The following CRLF2 variants were observed in gnomAD, a reference collection of about 807,000 sequenced individuals.
CRLF2 encodes cytokine receptor-like factor 2.
CRLF2 carries 41 observed loss-of-function variants against 38.7 expected under a neutral mutation model. The observed-to-expected ratio is 1.06, with a 90% CI of 0.83 to 1.37. CRLF2 has a LOEUF of 1.37. Among genes scored for constraint, CRLF2 ranks in the 40% most tolerant of loss-of-function variants. The pLI, the probability that CRLF2 is intolerant of heterozygous loss-of-function variation, is 0.00. For synonymous variants in CRLF2, 140 were observed against 128.8 expected (o/e 1.09, Z -0.59); for missense variants, 377 against 322.2 (o/e 1.17, Z -1.30).
intron 4 of CRLF2, among the ~76,000 whole-genome samples, chrX:1,200,074 G>GTA (rs2086574181): frequency 1.3e-5 from 2 of 149,090 alleles, no homozygotes; most frequent in Admixed American, 1.4e-4. Context: ...GTGTATATAT[G>GTA]TGTATATGTA....
At chrX:1,201,005 C>T (rs2086595885) in intron 4 of CRLF2, among the ~76,000 whole-genome samples, 3 of 152,126 alleles carry the variant, frequency 2.0e-5, no homozygotes, top group African/African-American at 7.2e-5. Context: ...GCTGGTCTAG[C>T]CTGCTGCACA....
chrX:1,202,583 T>C, intron 3 of CRLF2, 48 bp from the exon 4 acceptor site: 1 of 1,612,392 alleles, frequency 6.2e-7, no homozygotes, highest in Non-Finnish European at 8.5e-7. Context: ...TCTGAGCTGA[T>C]TGTGACAGGC....
At chrX:1,204,238 A>G (rs1244261123) in intron 3 of CRLF2, among the ~76,000 whole-genome samples, 1 of 148,446 alleles carries the variant, frequency 6.7e-6, no homozygotes, top group Admixed American at 6.9e-5. Flanking sequence ...TAATGAATTT[A>G]TTTATTTGAG....
rs747962265 is a variant in CRLF2 at position 1,212,626 on chromosome X, C to T, written c.9G>A (p.Arg3=). 2.5e-6 allele frequency: 4 copies of T among 1,611,362 alleles called. No individual in the cohort carries two copies. Among genetic ancestry groups the T allele is most frequent in the Non-Finnish European group, 3.4e-6 (4 of 1,178,136 alleles). Residue 3 remains arginine, a synonymous_variant, in exon 1 of 8, where the codon CGG becomes CGA. Transcript: ENST00000400841. MG[R]LVLLWGAAVF... is the part of the protein sequence containing the mutation. Reference sequence around the variant, plus strand: ...CGGCAGCTCCCCACAGCAGAACCAGCCGCCCCATGCCTGAAACAGGAGTGG... The same window carrying T: ...CGGCAGCTCCCCACAGCAGAACCAGTCGCCCCATGCCTGAAACAGGAGTGG...
chrX:1,208,857 A>G lies in CRLF2; in HGVS notation c.131T>C (p.Val44Ala), dbSNP rs773823760. The change falls in exon 2 of 8, where the codon GTG (valine) becomes GCG (alanine). Residue 44 changes from valine (V) to alanine (A), a missense_variant. By Grantham distance (64) the Val-to-Ala change is moderately conservative. Coordinates refer to ENST00000400841, the MANE Select transcript of CRLF2 (RefSeq NM_022148.4). Reference sequence around the variant, plus strand: ...GGAGTATTTGCTGGCATTCCATGTCACCTGCACGGTTTCTAAATTGAAGTA... The same window carrying G: ...GGAGTATTTGCTGGCATTCCATGTCGCCTGCACGGTTTCTAAATTGAAGTA... ...IIYFNLETVQ[V>A]TWNASKYSRT... The G allele has an allele frequency of 6.2e-7, 1 of 1,612,968 alleles. No homozygotes were observed. Among genetic ancestry groups the G allele is most frequent in the Non-Finnish European group, 8.5e-7 (1 of 1,179,008 alleles).
chrX:1,199,762 T>C (rs1176855692), intron 4 of CRLF2, among the ~76,000 whole-genome samples: 1 of 151,828 alleles, frequency 6.6e-6, no homozygotes, highest in East Asian at 1.9e-4. Flanking sequence ...ATATATAAGC[T>C]GTATATATAA....
At chrX:1,191,947 T>C (rs1202401454) in intron 7 of CRLF2, among the ~76,000 whole-genome samples, 12 of 151,656 alleles carry the variant, frequency 7.9e-5, no homozygotes, top group Non-Finnish European at 1.5e-4. Context: ...GGCTTACACC[T>C]GTAATCCCAG....
intron 4 of CRLF2, among the ~76,000 whole-genome samples, chrX:1,199,772 A>C (rs1408927652): frequency 4.6e-4 from 70 of 151,828 alleles, no homozygotes. Flanking sequence ...TGTATATATA[A>C]GGTGTGTATA....
intron 4 of CRLF2, among the ~76,000 whole-genome samples, chrX:1,200,725 G>GTGTATAAATATGCATAGATAAGGTA (rs2086589879): frequency 2.4e-5 from 1 of 40,892 alleles, no homozygotes; most frequent in African/African-American, 7.2e-5. Flanking sequence ...GTATATACGT[G>GTGTATAAATATGCATAGATAAGGTA]TGTATAAATA....
At chrX:1,209,886 G>A (rs766992914) in intron 1 of CRLF2, among the ~76,000 whole-genome samples, 30 of 151,864 alleles carry the variant, frequency 2.0e-4, no homozygotes, top group Admixed American at 2.0e-3. Flanking sequence ...TGGATCACCC[G>A]AGGTCAGGAG....
chrX:1,210,109 A>AAAAAAAGAAAAG (rs1170311211), intron 1 of CRLF2, among the ~76,000 whole-genome samples: 3 of 90,198 alleles, frequency 3.3e-5, no homozygotes, highest in Non-Finnish European at 6.4e-5. Context: ...CTATCAAAAA[A>AAAAAAAGAAAAG]AAAAAAGAAA....
chrX:1,209,908 C>T (rs2086764786), intron 1 of CRLF2, among the ~76,000 whole-genome samples: 1 of 151,628 alleles, frequency 6.6e-6, no homozygotes. Flanking sequence ...TCGAGACCAG[C>T]CTGGCCAACA....
rs1270804145 is a variant in CRLF2, at chrX:1,206,617, GACC to G, written c.183-21_183-19del. On this transcript the variant is annotated intron_variant, in intron 2 of 7. Coordinates refer to ENST00000400841, the MANE Select transcript of CRLF2 (RefSeq NM_022148.4). ...CGTTGAATCTGTGGTTTAAAACGAT[GACC>G]ATTCAGCAACAAAACAAAAAAGCAT... is the stretch of plus-strand genomic sequence containing the variant. The G allele has an allele frequency of 5.0e-6, 8 of 1,610,094 alleles. No homozygotes were observed. The East Asian group carries it at 1.6e-4, about 31-fold the overall frequency.
At chrX:1,209,013 G>C (rs1363394442) in intron 1 of CRLF2, 105 bp from the exon 2 acceptor site, 2 of 710,156 alleles carry the variant, frequency 2.8e-6, no homozygotes, top group African/African-American at 1.8e-5. Flanking sequence ...TGTTGCCCAG[G>C]CTGGAGTACA....
chrX:1,192,461 A>G (rs1402578451), intron 7 of CRLF2, among the ~76,000 whole-genome samples: 1 of 150,988 alleles, frequency 6.6e-6, no homozygotes, highest in Non-Finnish European at 1.5e-5. Flanking sequence ...CTAAAAATAC[A>G]AAAAATTAGC....
Position 1,211,877 on chromosome X carries a change from A to ATGGATGGG in CRLF2, c.79+671_79+678dup, listed in dbSNP as rs1218266306. 2.5e-5 allele frequency among the ~76,000 whole-genome samples: 2 copies of ATGGATGGG among 81,072 alleles called. 1 individual carries two copies. The highest frequency in any genetic ancestry group is 4.7e-5 in the Non-Finnish European group (2 of 42,386). 53.2% of individuals were successfully genotyped at this position (81,072 alleles called of 152,430 possible). ...CATGGATGGATGGATGTATTGGTAG[A>ATGGATGGG]TGGATGGGTGGATGGGTGGATGGAT... is the stretch of plus-strand genomic sequence containing the variant. On this transcript the variant is annotated intron_variant, in intron 1 of 7. Transcript: ENST00000400841.
At chrX:1,196,950 T>C in intron 5 of CRLF2, 50 bp from the exon 6 acceptor site, 1 of 1,574,488 alleles carries the variant, frequency 6.4e-7, no homozygotes, top group East Asian at 2.3e-5. Flanking sequence ...GACGTGCGGC[T>C]GTACGTTTTC....
At chrX:1,194,744 A>G (rs1197059132) in intron 6 of CRLF2, among the ~76,000 whole-genome samples, 134,231 of 152,098 alleles carry the variant, frequency 0.88, 59,600 homozygotes, top group African/African-American at 0.96. Flanking sequence ...ATAAGAAGAG[A>G]AGGTTGGCCA....
intron 4 of CRLF2, among the ~76,000 whole-genome samples, chrX:1,201,772 A>G (rs189353923): frequency 2.2e-4 from 34 of 151,594 alleles, no homozygotes; most frequent in African/African-American, 8.3e-4. Flanking sequence ...CATAGATAAG[A>G]TAGTAGATGG....
Sources: allele counts gnomAD v4.1 joint callset (sites outside exome capture counted in the v4.1 genomes callset), GRCh38; gene constraint gnomAD v4.1.1; transcripts MANE v1.5; gene names NCBI Gene and HGNC (gene_info 2026-07-23, HGNC 2026-07-21).